The following PLCE1 variants were observed in gnomAD, a reference collection of about 807,000 sequenced individuals.
PLCE1 encodes phospholipase C epsilon 1.
PLCE1 carries 119 observed loss-of-function variants against 242.8 expected under a neutral mutation model. The observed-to-expected ratio is 0.49, with a 90% CI of 0.42 to 0.57. The LOEUF is 0.57. Among genes scored for constraint, PLCE1 ranks in the 20% least tolerant of loss-of-function variants. PLCE1 has a pLI of 0.00. For synonymous variants in PLCE1, 945 were observed against 1,017.4 expected, an observed-to-expected ratio of 0.93 and a Z score of 1.35; for missense variants, 2,441 against 2,788.8, an observed-to-expected ratio of 0.88 and a Z score of 2.81.
chr10:94,302,789 T>C (rs1168218508), intron 24 of PLCE1, among the ~76,000 whole-genome samples: 2 of 152,386 alleles, frequency 1.3e-5, no homozygotes, highest in Non-Finnish European at 2.9e-5. Context: ...AGGTACTTGA[T>C]GCACATAAAG....
At chr10:94,309,218 C>T (rs1204211174) in intron 27 of PLCE1, among the ~76,000 whole-genome samples, 3 of 152,228 alleles carry the variant, frequency 2.0e-5, no homozygotes, top group East Asian at 1.9e-4. Context: ...GCTCTGCTGG[C>T]GATGCATAAC....
At chr10:94,024,869 A>G (rs1179017647) in intron 1 of PLCE1, among the ~76,000 whole-genome samples, 1 of 152,130 alleles carries the variant, frequency 6.6e-6, no homozygotes, top group Non-Finnish European at 1.5e-5. Flanking sequence ...CTCTTGGACA[A>G]GTCATTCAAG....
At chr10:94,081,353 G>T (rs1200524742) in intron 2 of PLCE1, among the ~76,000 whole-genome samples, 2 of 152,020 alleles carry the variant, frequency 1.3e-5, no homozygotes, top group South Asian at 2.1e-4. Context: ...ATTTCTTTGT[G>T]ATCTAATGAA....
intron 2 of PLCE1, among the ~76,000 whole-genome samples, chr10:94,052,627 TTTTC>T (rs1307034663): frequency 2.0e-5 from 3 of 152,228 alleles, no homozygotes; most frequent in Non-Finnish European, 4.4e-5. Flanking sequence ...CCCCTCCTTC[TTTTC>T]TTTCTTTCTT....
At chr10:94,088,257 GC>G (rs2044916017) in intron 2 of PLCE1, 1 of 152,228 alleles carries the variant, frequency 6.6e-6, no homozygotes, top group Admixed American at 6.5e-5. Flanking sequence ...CTTACACATT[GC>G]CTGGCACAGG....
chr10:94,280,716 G>T (rs1160582303), intron 20 of PLCE1: 1 of 152,134 alleles, frequency 6.6e-6, no homozygotes, highest in Non-Finnish European at 1.5e-5. Flanking sequence ...TTTCTATGTA[G>T]AATAATTGTT....
At chr10:94,300,666 G>A (rs1013386302) in intron 24 of PLCE1, among the ~76,000 whole-genome samples, 1 of 152,146 alleles carries the variant, frequency 6.6e-6, no homozygotes, top group Non-Finnish European at 1.5e-5. Flanking sequence ...CTGAGTTGAG[G>A]CAGATTATCT....
At chr10:94,233,406 C>T (rs2050208043) in intron 5 of PLCE1, among the ~76,000 whole-genome samples, 1 of 152,136 alleles carries the variant, frequency 6.6e-6, no homozygotes, top group African/African-American at 2.4e-5. Context: ...GGCCAAGTTT[C>T]CCCAGGCAGT....
intron 2 of PLCE1, among the ~76,000 whole-genome samples, chr10:94,065,546 C>G (rs372181664): frequency 6.6e-6 from 1 of 152,100 alleles, no homozygotes; most frequent in Non-Finnish European, 1.5e-5. Flanking sequence ...TTAGTCAGAT[C>G]GCAGGCATGA....
intron 2 of PLCE1, chr10:94,106,322 G>T (rs1160115708): frequency 6.6e-6 from 1 of 152,006 alleles, no homozygotes; most frequent in African/African-American, 2.4e-5. Flanking sequence ...CTATATTTTT[G>T]AGATATTTCC....
intron 2 of PLCE1, among the ~76,000 whole-genome samples, chr10:94,102,151 G>A (rs974406311): frequency 1.3e-5 from 2 of 152,222 alleles, no homozygotes; most frequent in Non-Finnish European, 1.5e-5. Context: ...TCTATGCCAA[G>A]CATTAGGCTA....
chr10:94,280,014 G>A (rs1395497932), intron 20 of PLCE1, 103 bp downstream of exon 20: 19 of 1,174,640 alleles, frequency 1.6e-5, no homozygotes, highest in East Asian at 7.1e-5. Context: ...CCAGTAATAC[G>A]GATGGTTGTA....
chr10:94,221,831 G>C (rs2137088758), intron 4 of PLCE1, among the ~76,000 whole-genome samples: 1 of 152,322 alleles, frequency 6.6e-6, no homozygotes, highest in African/African-American at 2.4e-5. Context: ...AACCTTTGCA[G>C]TTAGAATGAC....
At chr10:94,269,078 C>T (rs2051619879) in intron 17 of PLCE1, 42 bp downstream of exon 17, 1 of 587,702 alleles carries the variant, frequency 1.7e-6, no homozygotes, top group Non-Finnish European at 3.2e-6. Flanking sequence ...CACAAAGAGA[C>T]ATTATCTTCA....
chr10:94,068,418 T>A (rs938776636), intron 2 of PLCE1, among the ~76,000 whole-genome samples: 2 of 152,164 alleles, frequency 1.3e-5, no homozygotes, highest in Non-Finnish European at 1.5e-5. Context: ...ATAATACAAA[T>A]AAAACAATGC....
At chr10:94,154,960 G>C (rs2047384378) in intron 3 of PLCE1, among the ~76,000 whole-genome samples, 1 of 72,386 alleles carries the variant, frequency 1.4e-5, no homozygotes, top group Admixed American at 1.9e-4. Context: ...TAGATAATTG[G>C]GGGAAAAAAA....
chr10:94,315,240 A>G (rs865961959), intron 28 of PLCE1: 40 of 344,942 alleles, frequency 1.2e-4, no homozygotes, highest in African/African-American at 6.7e-4. Flanking sequence ...CTTCACTCCC[A>G]CTGCCCTCAG....
At chr10:94,227,509 G>A (rs2049988685) in intron 5 of PLCE1, 58 bp downstream of exon 5, 2 of 1,487,720 alleles carry the variant, frequency 1.3e-6, no homozygotes, top group African/African-American at 1.4e-5. Flanking sequence ...CACCTGAATG[G>A]CACTGAATTA....
intron 1 of PLCE1, among the ~76,000 whole-genome samples, chr10:94,006,193 T>G (rs2134218587): frequency 6.6e-6 from 1 of 152,372 alleles, no homozygotes; most frequent in South Asian, 2.1e-4. Flanking sequence ...ATCTGTAAAA[T>G]GGACATAGTC....
Sources: gnomAD v4.1 joint callset for allele counts (sites outside exome capture counted in the v4.1 genomes callset) on GRCh38, gnomAD v4.1.1 for gene constraint, MANE v1.5 for transcripts, NCBI Gene and HGNC (gene_info 2026-07-23, HGNC 2026-07-21) for gene names.